PTPRC: variants seen among roughly 807,000 people sequenced by gnomAD.
PTPRC encodes the protein receptor-type tyrosine-protein phosphatase C.
In PTPRC, 44 loss-of-function variants were observed where a neutral mutation model predicts 155.9. The observed-to-expected ratio is 0.28, with a 90% confidence interval of 0.22 to 0.36. The LOEUF (loss-of-function observed/expected upper bound fraction) is 0.36. PTPRC is among the 10% of genes least tolerant of loss of function. The probability of loss-of-function intolerance (pLI) is 1.00; values close to 1 mark genes in which losing one functional copy is unlikely to be tolerated. For missense variants in PTPRC, 1,401 were observed against 1,564.6 expected, an observed-to-expected ratio of 0.90 and a Z score of 1.76; for synonymous variants, 525 against 533.1, an observed-to-expected ratio of 0.98 and a Z score of 0.21.
intron 4 of PTPRC, among the ~76,000 whole-genome samples, chr1:198,698,176 T>C (rs1666294465): frequency 6.6e-6 from 1 of 152,214 alleles, no homozygotes; most frequent in Non-Finnish European, 1.5e-5. Context: ...ATTCTTTTCA[T>C]TCCCACATTT....
At chr1:198,661,413 T>C (rs1240089015) in intron 2 of PTPRC, among the ~76,000 whole-genome samples, 1 of 151,246 alleles carries the variant, frequency 6.6e-6, no homozygotes, top group African/African-American at 2.4e-5. Context: ...AGGAATAGTG[T>C]CACTTTTTTG....
intron 2 of PTPRC, among the ~76,000 whole-genome samples, chr1:198,640,064 T>G (rs1178814076): frequency 2.0e-5 from 3 of 151,978 alleles, no homozygotes; most frequent in Non-Finnish European, 4.4e-5. Context: ...TTAAAAATCA[T>G]GCAAATGCTG....
intron 2 of PTPRC, among the ~76,000 whole-genome samples, chr1:198,665,020 T>A (rs1664196804): frequency 6.6e-6 from 1 of 151,760 alleles, no homozygotes; most frequent in Non-Finnish European, 1.5e-5. Context: ...ACCCTTTGGA[T>A]CTGAATGGGA....
chr1:198,748,141 G>A lies in PTPRC; in HGVS notation c.2880G>A (p.Gln960=). ...RLPSYRSWRT[Q]HIGNQEENKS... ...CTTCATATAGGAGCTGGAGGACACA[G>A]CACATTGGAAATCAAGAAGAAAATA... Residue 960 remains glutamine (Q), a synonymous_variant, in exon 27 of 33, where the codon CAG becomes CAA. Coordinates refer to ENST00000442510, the MANE Select transcript of PTPRC (RefSeq NM_002838.5). 1 of 1,601,016 alleles carries A rather than the reference G, an allele frequency of 6.2e-7. No homozygotes were observed.
At chr1:198,678,636 C>T (rs1665099127) in intron 2 of PTPRC, among the ~76,000 whole-genome samples, 3 of 152,192 alleles carry the variant, frequency 2.0e-5, no homozygotes, top group South Asian at 2.1e-4. Flanking sequence ...GGTTTAGCCT[C>T]CATGCCAGCC....
chr1:198,650,061 T>G (rs181128516), intron 2 of PTPRC, among the ~76,000 whole-genome samples: 2 of 151,706 alleles, frequency 1.3e-5, no homozygotes, highest in Non-Finnish European at 3.0e-5. Flanking sequence ...CTGGCAAGAG[T>G]AAAGGTTATC....
At chr1:198,709,898 G>A (rs1571858997) in intron 11 of PTPRC, 74 bp downstream of exon 11, 15 of 1,556,338 alleles carry the variant, frequency 9.6e-6, no homozygotes, top group East Asian at 2.3e-5. Context: ...GAGAATCATA[G>A]GAAATGAATT....
In PTPRC at chr1:198,708,120, ATCT is replaced by A. The variant is rs765172733; in HGVS notation, c.905-8_905-6del. On this transcript the variant is annotated splice_polypyrimidine_tract_variant and intron_variant, in intron 9 of 32. Transcript: ENST00000442510. ...AAATACTAATCAAGTTTATTTCTGTATCTTCTTGTCAGGGGTTGAAAAGTTTCA... is the reference window on the plus strand; with the variant it reads ...AAATACTAATCAAGTTTATTTCTGTATCTTGTCAGGGGTTGAAAAGTTTCA... The A allele has an allele frequency of 5.6e-6, 9 of 1,595,588 alleles. No individual in the cohort carries two copies. The highest frequency in any genetic ancestry group is 7.7e-6 in the Non-Finnish European group (9 of 1,164,750).
chr1:198,752,902 C>T (rs1655453352), intron 31 of PTPRC, 130 bp downstream of exon 31: 1 of 944,932 alleles, frequency 1.1e-6, no homozygotes. Context: ...TGGAGTCGGT[C>T]ACTCTCTTGG....
At chr1:198,686,934 A>G (rs145347724) in intron 2 of PTPRC, among the ~76,000 whole-genome samples, 3 of 152,338 alleles carry the variant, frequency 2.0e-5, no homozygotes, top group Non-Finnish European at 2.9e-5. Context: ...ATATTTAACC[A>G]TATACTCCAG....
At chr1:198,709,270 T>G (rs2102418100) in intron 10 of PTPRC, among the ~76,000 whole-genome samples, 2 of 152,280 alleles carry the variant, frequency 1.3e-5, no homozygotes, top group South Asian at 4.1e-4. Context: ...TGACTGGTCA[T>G]AGTCAAAATG....
chr1:198,735,577 G>A lies in PTPRC; in HGVS notation c.2403+325G>A, dbSNP rs556959384. On this transcript the variant is annotated intron_variant, in intron 23 of 32. Coordinates refer to ENST00000442510, the MANE Select transcript of PTPRC (RefSeq NM_002838.5). ...AAAGAATAAGCAATTTGTCTTCATTGTCAGTGAGTTCCTACTTTTATGAAA... is the reference window on the plus strand; with the variant it reads ...AAAGAATAAGCAATTTGTCTTCATTATCAGTGAGTTCCTACTTTTATGAAA... Among the ~76,000 whole-genome samples the A allele has an allele frequency of 4.6e-5, 7 of 151,558 alleles. No individual in the cohort carries two copies. The East Asian group carries it at 1.4e-3, about 29-fold the overall frequency.
At chr1:198,674,050 CCAAA>C (rs911155473) in intron 2 of PTPRC, among the ~76,000 whole-genome samples, 4 of 152,118 alleles carry the variant, frequency 2.6e-5, no homozygotes, top group Non-Finnish European at 4.4e-5. Context: ...AAAAAGTTTT[CCAAA>C]CAAATTATCT....
intron 2 of PTPRC, among the ~76,000 whole-genome samples, chr1:198,674,479 A>G (rs1179057818): frequency 6.7e-6 from 1 of 149,934 alleles, no homozygotes; most frequent in Non-Finnish European, 1.5e-5. Context: ...CACTATCTGC[A>G]TTATGACTGT....
At chr1:198,728,004 C>T (rs1360630068) in intron 15 of PTPRC, among the ~76,000 whole-genome samples, 3 of 152,052 alleles carry the variant, frequency 2.0e-5, no homozygotes, top group African/African-American at 4.8e-5. Flanking sequence ...ACTGGATTAC[C>T]TCCTTGATCC....
chr1:198,706,954 T>C lies in PTPRC; in HGVS notation c.904+2T>C. 1 of 1,575,392 alleles carries C rather than the reference T, an allele frequency of 6.3e-7. No individual in the cohort carries two copies. Among genetic ancestry groups the C allele is most frequent in the Non-Finnish European group, 8.7e-7 (1 of 1,145,228 alleles). ...CATTAATATTAGATGTGCCACCAGG[T>C]AAATATCAATTTATTTCTTTTAATA... On this transcript the variant is annotated splice_donor_variant, in intron 9 of 32. Coordinates refer to ENST00000442510, the MANE Select transcript of PTPRC (RefSeq NM_002838.5). LOFTEE classifies it high-confidence loss of function.
At chr1:198,719,741 G>T (rs181775971) in intron 14 of PTPRC, among the ~76,000 whole-genome samples, 1 of 152,098 alleles carries the variant, frequency 6.6e-6, no homozygotes, top group Non-Finnish European at 1.5e-5. Flanking sequence ...CTCCTGAGTA[G>T]CTGGGATTAC....
intron 14 of PTPRC, 91 bp downstream of exon 14, chr1:198,718,393 A>G (rs965087467): frequency 1.8e-6 from 2 of 1,083,292 alleles, no homozygotes; most frequent in Non-Finnish European, 2.8e-6. Flanking sequence ...CACTGCTCAC[A>G]TGAGATTGAG....
intron 23 of PTPRC, 145 bp downstream of exon 23, chr1:198,735,397 CA>C (rs1260057510): frequency 1.3e-6 from 1 of 790,216 alleles, no homozygotes; most frequent in Non-Finnish European, 1.9e-6. Flanking sequence ...AGAACAATGA[CA>C]AAAATCAATA....
Sources: gnomAD v4.1 joint callset for allele counts (sites outside exome capture counted in the v4.1 genomes callset) on GRCh38, gnomAD v4.1.1 for gene constraint, MANE v1.5 for transcripts, NCBI Gene and HGNC (gene_info 2026-07-23, HGNC 2026-07-21) for gene names.